Variants in AAMDC observed in about 807,000 individuals in gnomAD.
AAMDC encodes the protein adipogenesis associated Mth938 domain containing.
AAMDC carries 16 observed loss-of-function variants against 15.5 expected under a neutral mutation model. That is an observed-to-expected ratio of 1.03 (90% CI 0.70 to 1.57). The LOEUF (loss-of-function observed/expected upper bound fraction) is 1.57, where lower values mean the gene tolerates loss of function less well. Ranked by LOEUF, AAMDC falls within the 40% of genes most tolerant of loss-of-function variation. The pLI, the probability that AAMDC is intolerant of heterozygous loss-of-function variation, is 0.00. For synonymous variants in AAMDC, 51 were observed against 51.6 expected, an observed-to-expected ratio of 0.99 and a Z score of 0.05; for missense variants, 141 against 144.9, an observed-to-expected ratio of 0.97 and a Z score of 0.14.
chr11:77,879,702 T>C (rs1215283761), intron 5 of AAMDC, among the ~76,000 whole-genome samples: 1 of 152,216 alleles, frequency 6.6e-6, no homozygotes, highest in African/African-American at 2.4e-5. Context: ...CTAGTGTCTC[T>C]ATGTGGCAGG....
intron 2 of AAMDC, among the ~76,000 whole-genome samples, chr11:77,859,691 T>G (rs1301887306): frequency 6.6e-6 from 1 of 152,180 alleles, no homozygotes; most frequent in Non-Finnish European, 1.5e-5. Flanking sequence ...AGTATACAAG[T>G]TGAGGTTGGG....
At chr11:77,896,225 A>G (rs1258741244) in intron 5 of AAMDC, among the ~76,000 whole-genome samples, 1 of 152,048 alleles carries the variant, frequency 6.6e-6, no homozygotes, top group Non-Finnish European at 1.5e-5. Flanking sequence ...AACTATACAG[A>G]AAAAAAAGGA....
chr11:77,845,445 G>T (rs1187074067), intron 2 of AAMDC, among the ~76,000 whole-genome samples: 1 of 98,328 alleles, frequency 1.0e-5, no homozygotes, highest in Non-Finnish European at 2.8e-5. Flanking sequence ...TTTTTTTGGT[G>T]GGGGGGATAG....
chr11:77,903,209 T>C (rs552022867), downstream of AAMDC, among the ~76,000 whole-genome samples: 2 of 152,370 alleles, frequency 1.3e-5, no homozygotes, highest in East Asian at 1.9e-4. Context: ...CTCCTAGTTA[T>C]GCTCCTTCTC....
intron 5 of AAMDC, among the ~76,000 whole-genome samples, chr11:77,880,444 T>A (rs1194677060): frequency 6.6e-6 from 1 of 152,200 alleles, no homozygotes; most frequent in Non-Finnish European, 1.5e-5. Flanking sequence ...AGCCATGTGA[T>A]AAGCACACAC....
In AAMDC at chr11:77,843,631, A is replaced by G. The variant is rs189141304; in HGVS notation, c.132+1003A>G. 1.3e-3 allele frequency among the ~76,000 whole-genome samples: 191 copies of G among 152,140 alleles called. 1 individual carries two copies. Among genetic ancestry groups the G allele is most frequent in the Admixed American group, 3.8e-3 (58 of 15,256 alleles). ...TATCTCAATGAGTTCTGGCTTCTAT[A>G]AAAAAAATTGTCATAGACTGAGTGC... is the stretch of plus-strand genomic sequence containing the variant. On this transcript the variant is annotated intron_variant, in intron 2 of 3. Coordinates refer to ENST00000393427, the MANE Select transcript of AAMDC (RefSeq NM_024684.4).
At chr11:77,869,299 T>C (rs1951284335) in intron 2 of AAMDC, 1 of 164,536 alleles carries the variant, frequency 6.1e-6, no homozygotes, top group Admixed American at 6.9e-5. Context: ...ATTTCGTTTA[T>C]TTATCTCTTT....
Position 77,842,505 on chromosome 11 carries a change from C to T in AAMDC, c.9C>T (p.Ser3=). Residue 3 remains serine (S), a synonymous_variant, in exon 2 of 4, where the codon TCC becomes TCT. Coordinates refer to ENST00000393427, the MANE Select transcript of AAMDC (RefSeq NM_024684.4). MT[S]PEIASLSWGQ... ...CTTCAGTGAAGTTCCTTATGACTTC[C>T]CCTGAAATTGCTTCCTTATCATGGG... 1 of 1,613,440 alleles carries T rather than the reference C, an allele frequency of 6.2e-7. No homozygotes were observed. The highest frequency in any genetic ancestry group is 8.5e-7 in the Non-Finnish European group (1 of 1,179,850).
Position 77,821,180 on chromosome 11 carries a change from C to T in AAMDC, c.-80C>T, listed in dbSNP as rs944550716. ...GCAGATCCCGAAGCAGCGCTGGGAG[C>T]GTAAGTGCGGGCAGAGCACTGCGCC... is the stretch of plus-strand genomic sequence containing the variant. On this transcript the variant is annotated 5_prime_UTR_variant, in exon 1 of 4. Transcript: ENST00000393427. 1.1e-5 allele frequency: 4 copies of T among 359,066 alleles called. No individual in the cohort carries two copies. The highest frequency in any genetic ancestry group is 8.4e-5 in the African/African-American group (4 of 47,590). The allele number at this position is 359,066 out of a possible 1,614,324, so 22.2% of individuals were successfully genotyped here. A position where few individuals can be genotyped will look rare whatever the true frequency, so the allele number is the denominator to read the frequency against.
intron 5 of AAMDC, among the ~76,000 whole-genome samples, chr11:77,895,046 C>T (rs1324052326): frequency 2.0e-5 from 3 of 152,096 alleles, no homozygotes; most frequent in East Asian, 1.9e-4. Flanking sequence ...ACTATTTTGG[C>T]GACAGACATA....
At chr11:77,824,842 G>A (rs199676574) in intron 1 of AAMDC, among the ~76,000 whole-genome samples, 1 of 152,284 alleles carries the variant, frequency 6.6e-6, no homozygotes, top group Middle Eastern at 3.4e-3. Flanking sequence ...ATGCAATTAT[G>A]CTTCAATTTT....
At chr11:77,880,674 G>C (rs910971423) in intron 5 of AAMDC, among the ~76,000 whole-genome samples, 2 of 152,158 alleles carry the variant, frequency 1.3e-5, no homozygotes, top group Non-Finnish European at 2.9e-5. Context: ...CCAAATCCTG[G>C]TAAGAGCTGG....
At chr11:77,864,192 G>A (rs1028182200) in intron 2 of AAMDC, among the ~76,000 whole-genome samples, 12 of 152,200 alleles carry the variant, frequency 7.9e-5, no homozygotes, top group African/African-American at 1.4e-4. Context: ...CTCCCAAAGT[G>A]TTGGGATTAC....
At chr11:77,905,317 C>T (rs1291702461), downstream of AAMDC, among the ~76,000 whole-genome samples, 7 of 151,958 alleles carry the variant, frequency 4.6e-5, no homozygotes, top group South Asian at 2.1e-4. Context: ...ATTAGCCAGG[C>T]GTGGTGGTGC....
At chr11:77,905,119 C>T (rs574984585), downstream of AAMDC, among the ~76,000 whole-genome samples, 288 of 152,162 alleles carry the variant, frequency 1.9e-3, 1 homozygote, top group African/African-American at 5.9e-3. Context: ...TCAATGTTGG[C>T]GGGCACCATC....
chr11:77,822,149 A>G (rs962312016), intron 1 of AAMDC, among the ~76,000 whole-genome samples: 1 of 152,176 alleles, frequency 6.6e-6, no homozygotes, highest in Non-Finnish European at 1.5e-5. Context: ...TAATTCCTAA[A>G]AAGAATTTGG....
intron 1 of AAMDC, among the ~76,000 whole-genome samples, chr11:77,832,403 T>C (rs1284948615): frequency 6.6e-6 from 1 of 151,192 alleles, no homozygotes; most frequent in Admixed American, 6.6e-5. Flanking sequence ...CTCGGCTCGC[T>C]GCAACCTCCG....
At chr11:77,905,373 C>T (rs374710657), downstream of AAMDC, among the ~76,000 whole-genome samples, 114 of 151,884 alleles carry the variant, frequency 7.5e-4, 2 homozygotes, top group African/African-American at 2.7e-3. Flanking sequence ...AGGAGAATTG[C>T]TTGAACCCAA....
intron 2 of AAMDC, chr11:77,850,761 AACAC>A (rs905525152): frequency 1.5e-5 from 2 of 137,650 alleles, no homozygotes; most frequent in South Asian, 4.4e-4. Context: ...TCTCACTCTA[AACAC>A]ACACACACAT....
Sources: allele counts gnomAD v4.1 joint callset (sites outside exome capture counted in the v4.1 genomes callset), GRCh38; gene constraint gnomAD v4.1.1; transcripts MANE v1.5; gene names NCBI Gene and HGNC (gene_info 2026-07-23, HGNC 2026-07-21).